Variants in EML1 observed in about 807,000 individuals in gnomAD.
EML1 encodes echinoderm microtubule-associated protein-like 1.
In EML1, 27 loss-of-function variants were observed where a neutral mutation model predicts 110.4. That is an observed-to-expected ratio of 0.24 (90% CI 0.18 to 0.34). The LOEUF (loss-of-function observed/expected upper bound fraction) is 0.34. Ranked by LOEUF, EML1 falls within the 10% of genes least tolerant of loss-of-function variation. EML1 has a pLI of 1.00. For missense variants in EML1, 741 were observed against 1,030.9 expected (o/e 0.72, Z 3.85); for synonymous variants, 344 against 385.8 (o/e 0.89, Z 1.27).
chr14:99,845,157 A>G (rs917016312), intron 1 of EML1, among the ~76,000 whole-genome samples: 4 of 152,168 alleles, frequency 2.6e-5, no homozygotes, highest in African/African-American at 9.7e-5. Flanking sequence ...CATTTGCTCC[A>G]TATTCTCACT....
chr14:99,890,816 T>C (rs2059574130), intron 4 of EML1, among the ~76,000 whole-genome samples: 1 of 152,176 alleles, frequency 6.6e-6, no homozygotes, highest in Non-Finnish European at 1.5e-5. Flanking sequence ...TGTCAGGAAT[T>C]TGCTAGTTTT....
Position 99,897,114 on chromosome 14 carries a change from GA to G in EML1, c.678-23del, listed in dbSNP as rs752157174. 86 of 1,492,980 alleles carry G rather than the reference GA, an allele frequency of 5.8e-5. 1 individual carries two copies. The highest frequency in any genetic ancestry group is 1.3e-4 in the South Asian group (9 of 71,492). The allele number at this position is 1,492,980 out of a possible 1,614,324, so 92.5% of individuals were successfully genotyped here. ...CTGATGTTTTGTCAGCTCTTAAAGG[GA>G]AAAAAAATTTTATCTTGACATCCAC... On this transcript the variant is annotated intron_variant, in intron 6 of 21. Transcript: ENST00000262233.
intron 9 of EML1, among the ~76,000 whole-genome samples, chr14:99,902,745 A>G (rs758950749): frequency 3.3e-5 from 5 of 152,154 alleles, no homozygotes; most frequent in Non-Finnish European, 5.9e-5. Context: ...TCAAATACCT[A>G]TGGGTTGGGT....
At position 99,916,856 on chromosome 14, in the gene EML1, G is replaced by A. The variant is rs1032297783; in HGVS notation, c.1753-926G>A. On this transcript the variant is annotated intron_variant, in intron 15 of 21. Coordinates refer to ENST00000262233, the MANE Select transcript of EML1 (RefSeq NM_004434.3). ...AGGCCCAAGTCCAGTCGTCTGTACC[G>A]CGAAGCCTTGGCCCAGCTTCCCAGT... 2.6e-5 allele frequency among the ~76,000 whole-genome samples: 4 copies of A among 152,276 alleles called. No individual in the cohort carries two copies. The South Asian group carries it at 6.2e-4, about 24-fold the overall frequency.
chr14:99,831,200 A>G (rs920549151), intron 1 of EML1, among the ~76,000 whole-genome samples: 3 of 152,228 alleles, frequency 2.0e-5, no homozygotes, highest in Non-Finnish European at 4.4e-5. Flanking sequence ...AGTGTTTTCC[A>G]GTATATTTTG....
intron 10 of EML1, among the ~76,000 whole-genome samples, chr14:99,908,247 C>T (rs1486187393): frequency 6.6e-6 from 1 of 152,242 alleles, no homozygotes; most frequent in African/African-American, 2.4e-5. Context: ...CAACAGGATT[C>T]CTCCTGCGAG....
intron 1 of EML1, among the ~76,000 whole-genome samples, chr14:99,794,108 GCTT>G (rs2057724739): frequency 6.6e-6 from 1 of 152,116 alleles, no homozygotes; most frequent in African/African-American, 2.4e-5. Context: ...CCTCAGTGTT[GCTT>G]CTTATTTTGT....
At position 99,914,260 on chromosome 14, in the gene EML1, G is replaced by A. The variant is rs2059995750; in HGVS notation, c.1576G>A (p.Val526Ile). Residue 526 changes from valine to isoleucine, a missense_variant, in exon 14 of 22, where the codon GTC becomes ATC. Physicochemically the swap from Val to Ile is conservative, Grantham distance 29 (BLOSUM62 3). Coordinates refer to ENST00000262233, the MANE Select transcript of EML1 (RefSeq NM_004434.3). ...VILIGTTRNFVLQGTLSGDFT... is the reference protein window; with the variant it reads ...VILIGTTRNFILQGTLSGDFT... ...CTTGATTGGCACAACTCGAAACTTTGTCCTGCAGGGCACTCTGTCAGGGGA... is the reference window on the plus strand; with the variant it reads ...CTTGATTGGCACAACTCGAAACTTTATCCTGCAGGGCACTCTGTCAGGGGA... The A allele has an allele frequency of 6.2e-7, 1 of 1,613,858 alleles. No homozygotes were observed. Among genetic ancestry groups the A allele is most frequent in the Admixed American group, 1.7e-5 (1 of 59,992 alleles).
At chr14:99,777,581 A>T (rs1410229745) in intron 1 of EML1, among the ~76,000 whole-genome samples, 2 of 151,844 alleles carry the variant, frequency 1.3e-5, no homozygotes, top group Non-Finnish European at 2.9e-5. Context: ...CACCAAGCCC[A>T]GCTGATTTTT....
intron 10 of EML1, among the ~76,000 whole-genome samples, chr14:99,908,791 G>T (rs144745784): frequency 6.6e-6 from 1 of 152,172 alleles, no homozygotes; most frequent in Non-Finnish European, 1.5e-5. Context: ...GGAGTCAATC[G>T]CAGGAGGAAC....
Position 99,865,539 on chromosome 14 carries a change from T to C in EML1, c.276T>C (p.Pro92=), listed in dbSNP as rs11160553. 0.3 allele frequency: 483,921 copies of C among 1,613,898 alleles called. 75,902 individuals carry two copies. The highest frequency in any genetic ancestry group is 0.33 in the Non-Finnish European group (384,221 of 1,179,894). Reference sequence around the variant, plus strand: ...CAAGACCACTGATGCAGACCCTGCCTTTAAGAACCACGGTCAACAATGGCA... The same window carrying C: ...CAAGACCACTGATGCAGACCCTGCCCTTAAGAACCACGGTCAACAATGGCA... ...TKARPLMQTL[P]LRTTVNNGTV... The change falls in exon 3 of 22, where the codon CCT becomes CCC. Residue 92 remains proline (P), a synonymous_variant. Transcript: ENST00000262233.
At chr14:99,786,256 G>T (rs139527292) in intron 1 of EML1, among the ~76,000 whole-genome samples, 1,718 of 152,152 alleles carry the variant, frequency 0.011, 28 homozygotes, top group African/African-American at 0.034. Flanking sequence ...TCCAGACAAG[G>T]GGTCTAGCAA....
At chr14:99,777,827 A>G (rs1227127129) in intron 1 of EML1, among the ~76,000 whole-genome samples, 1 of 152,158 alleles carries the variant, frequency 6.6e-6, no homozygotes, top group African/African-American at 2.4e-5. Flanking sequence ...GTTTTGAAAC[A>G]GGTTCATGCT....
At chr14:99,764,231 C>A (rs1312734426) in intron 1 of EML1, among the ~76,000 whole-genome samples, 1 of 152,230 alleles carries the variant, frequency 6.6e-6, no homozygotes, top group Non-Finnish European at 1.5e-5. Context: ...CCTCCTCCCC[C>A]AGCTCACAGA....
rs189634190 is a variant in EML1 at position 99,838,215 on chromosome 14, A to G, written c.68-12638A>G. ...GTCAGGAAGACAACTAAATTTTTGG[A>G]TGATGTAACCATATAGTACTTTAAA... On this transcript the variant is annotated intron_variant, in intron 1 of 21. Coordinates refer to ENST00000262233, the MANE Select transcript of EML1 (RefSeq NM_004434.3). 3.5e-4 allele frequency among the ~76,000 whole-genome samples: 54 copies of G among 152,360 alleles called. No individual in the cohort carries two copies. The East Asian group carries it at 5.4e-3, about 15-fold the overall frequency.
At chr14:99,799,900 A>G (rs1267195274) in intron 1 of EML1, among the ~76,000 whole-genome samples, 1 of 152,226 alleles carries the variant, frequency 6.6e-6, no homozygotes, top group Non-Finnish European at 1.5e-5. Flanking sequence ...TGAAAACGGA[A>G]CATGAAAGCA....
At position 99,827,841 on chromosome 14, in the gene EML1, C is replaced by T. The variant is rs552171421; in HGVS notation, c.68-23012C>T. On this transcript the variant is annotated intron_variant, in intron 1 of 21. Transcript: ENST00000262233. This position sits in a 1 kb window ranked among gnomAD's most constrained non-coding sequence, Gnocchi z 4.4. ...TGGCAGCCCTAGCAAGCTAACATGC[C>T]GCTGTAGAGTGTGCAGACCCGCAGG... 3.3e-5 allele frequency among the ~76,000 whole-genome samples: 5 copies of T among 152,128 alleles called. No homozygotes were observed. Among genetic ancestry groups the T allele is most frequent in the South Asian group, 4.1e-4 (2 of 4,822 alleles).
intron 1 of EML1, among the ~76,000 whole-genome samples, chr14:99,814,327 G>A (rs2058131249): frequency 6.6e-6 from 1 of 152,208 alleles, no homozygotes; most frequent in Non-Finnish European, 1.5e-5. Flanking sequence ...CTGGAGTGCA[G>A]TTTCTTGGCA....
intron 3 of EML1, among the ~76,000 whole-genome samples, chr14:99,869,588 C>T (rs995910602): frequency 6.6e-6 from 1 of 152,132 alleles, no homozygotes; most frequent in East Asian, 1.9e-4. Flanking sequence ...AGACATGATT[C>T]GGCTTAATGA....
Sources: allele counts gnomAD v4.1 joint callset (sites outside exome capture counted in the v4.1 genomes callset), GRCh38; gene constraint gnomAD v4.1.1; non-coding constraint Gnocchi (gnomAD v3.1); transcripts MANE v1.5; gene names NCBI Gene and HGNC (gene_info 2026-07-23, HGNC 2026-07-21).